The following GLOD4 variants were observed in gnomAD, a reference collection of about 807,000 sequenced individuals.
GLOD4 encodes the protein glyoxalase domain-containing protein 4.
GLOD4 carries 44 observed loss-of-function variants against 39.1 expected under a neutral mutation model. The ratio of observed to expected loss-of-function variants is 1.13; its 90% CI spans 0.88 to 1.45. The LOEUF (loss-of-function observed/expected upper bound fraction) is 1.45. Among genes scored for constraint, GLOD4 ranks in the 40% most tolerant of loss-of-function variants. The pLI is 0.00. For missense variants in GLOD4, 405 were observed against 366.4 expected, an observed-to-expected ratio of 1.11 and a Z score of -0.86; for synonymous variants, 145 against 135.0, an observed-to-expected ratio of 1.07 and a Z score of -0.52.
intron 8 of GLOD4, chr17:765,309 GT>G (rs1744486325): frequency 6.6e-6 from 1 of 150,906 alleles, no homozygotes; most frequent in African/African-American, 2.4e-5. Flanking sequence ...ACAACCACCT[GT>G]CTGAGCTGAG....
chr17:785,832 GT>G (rs1567799355), upstream of GLOD4, among the ~76,000 whole-genome samples: 1 of 152,176 alleles, frequency 6.6e-6, no homozygotes, highest in African/African-American at 2.4e-5. Flanking sequence ...GCTAATAATT[GT>G]TTTTTAAATA....
chr17:781,081 C>T (rs553198292), intron 1 of GLOD4, among the ~76,000 whole-genome samples: 48 of 151,906 alleles, frequency 3.2e-4, no homozygotes, highest in African/African-American at 1.2e-3. Context: ...CCACCATGCC[C>T]GGCTAATTTT....
intron 8 of GLOD4, among the ~76,000 whole-genome samples, chr17:768,338 A>G (rs1226861): frequency 4.8e-5 from 7 of 146,470 alleles, no homozygotes; most frequent in South Asian, 4.5e-4. Context: ...GACGTGAGAG[A>G]GAGAAACAGC....
At chr17:785,356 C>A (rs891651452), upstream of GLOD4, among the ~76,000 whole-genome samples, 10 of 151,936 alleles carry the variant, frequency 6.6e-5, no homozygotes, top group African/African-American at 2.2e-4. Flanking sequence ...CCCATAAATT[C>A]TTTCCATAAA....
intron 5 of GLOD4, 172 bp downstream of exon 5, chr17:771,153 A>G (rs11649996): frequency 0.026 from 12,644 of 488,814 alleles, 295 homozygotes; most frequent in East Asian, 0.071. Context: ...TCTGGGTGGT[A>G]AGGTTATCAC....
chr17:763,920 T>G (rs554183797), intron 8 of GLOD4: 56 of 152,244 alleles, frequency 3.7e-4, no homozygotes, highest in African/African-American at 1.3e-3. Context: ...AATTAATGGC[T>G]GGGAAAAATA....
chr17:779,497 G>C (rs1909510692), intron 1 of GLOD4, among the ~76,000 whole-genome samples: 1 of 151,838 alleles, frequency 6.6e-6, no homozygotes, highest in Admixed American at 6.6e-5. Flanking sequence ...AATTAGCCAG[G>C]CATGGTGGTG....
chr17:775,869 C>G lies in GLOD4; in HGVS notation c.312G>C (p.Glu104Asp), dbSNP rs774506220. 6.2e-7 allele frequency: 1 copy of G among 1,613,448 alleles called. No homozygotes were observed. Among genetic ancestry groups the G allele is most frequent in the South Asian group, 1.1e-5 (1 of 91,068 alleles). The change falls in exon 4 of 9, where the codon GAG (glutamate) becomes GAC (aspartate). Residue 104 changes from glutamate (E) to aspartate (D), a missense_variant. Physicochemically the swap from Glu to Asp is conservative, Grantham distance 45. Transcript: ENST00000301329. ...CTTCTGCAACTTCCGTCAGTGGCCA[C>G]TCCAGCTTCCTGGCGTTGCTGACAG... ...SQAVSNARKLEWPLTEVAEGV... is the reference protein window; with the variant it reads ...SQAVSNARKLDWPLTEVAEGV...
At chr17:772,836 A>G (rs1388692860) in intron 4 of GLOD4, among the ~76,000 whole-genome samples, 3 of 152,176 alleles carry the variant, frequency 2.0e-5, no homozygotes, top group African/African-American at 7.2e-5. Context: ...TCTACTAAAA[A>G]TACAAAAAAT....
chr17:783,915 C>T (rs563758604), upstream of GLOD4, among the ~76,000 whole-genome samples: 3 of 152,200 alleles, frequency 2.0e-5, no homozygotes, highest in South Asian at 2.1e-4. Flanking sequence ...ATTAAGAAAG[C>T]GTTTACTGAA....
chr17:782,735 C>T (rs764279864), upstream of GLOD4: 17 of 1,550,328 alleles, frequency 1.1e-5, no homozygotes, highest in African/African-American at 8.2e-5. Context: ...CGTTTCCCTT[C>T]CCGTCGCACA....
At chr17:776,422 C>A (rs1333377555) in intron 3 of GLOD4, among the ~76,000 whole-genome samples, 1 of 152,224 alleles carries the variant, frequency 6.6e-6, no homozygotes, top group East Asian at 1.9e-4. Context: ...AAATCCATTA[C>A]CCACTCTGCA....
upstream of GLOD4, chr17:782,287 C>G (rs376407647): frequency 1.2e-5 from 20 of 1,612,024 alleles, no homozygotes; most frequent in East Asian, 2.2e-5. Context: ...TCACGCGCAC[C>G]GTACAGCCCA....
At chr17:777,991 TGA>T (rs1191470086) in intron 2 of GLOD4, among the ~76,000 whole-genome samples, 2 of 152,094 alleles carry the variant, frequency 1.3e-5, no homozygotes, top group East Asian at 3.9e-4. Context: ...GCTTGAACAA[TGA>T]GACTCATGAG....
intron 8 of GLOD4, chr17:764,385 T>C (rs1906076586): frequency 6.6e-6 from 1 of 152,152 alleles, no homozygotes; most frequent in South Asian, 2.1e-4. Flanking sequence ...GCAAAATAAG[T>C]GTTGGTGAGA....
intron 8 of GLOD4, chr17:764,267 G>A: frequency 6.6e-6 from 1 of 152,196 alleles, no homozygotes; most frequent in South Asian, 2.1e-4. Flanking sequence ...CATCAGCTGG[G>A]CATAGTGCTG....
intron 4 of GLOD4, among the ~76,000 whole-genome samples, chr17:772,004 ACT>A (rs1908026860): frequency 7.4e-6 from 1 of 135,176 alleles, no homozygotes; most frequent in Non-Finnish European, 1.6e-5. Context: ...CAAGAGCAAA[ACT>A]CTGTCTCAAA....
At position 782,159 on chromosome 17, in the gene GLOD4, C is replaced by G. The variant is rs1404512542; in HGVS notation, c.90+7G>C. The G allele has an allele frequency of 1.3e-6, 2 of 1,593,004 alleles. No homozygotes were observed. The highest frequency in any genetic ancestry group is 1.7e-6 in the Non-Finnish European group (2 of 1,166,358). On this transcript the variant is annotated splice_region_variant and intron_variant, in intron 1 of 8. Coordinates refer to ENST00000301329, the MANE Select transcript of GLOD4 (RefSeq NM_016080.4). The stretch of plus-strand genomic sequence containing the variant: ...GCGCGCCAGCCCCTGTCGGCCCCGG[C>G]CTGCACCTTCATCCCCAGGACGTCC...
In GLOD4 at chr17:768,583, TAGA is replaced by T. The variant is rs774494852; in HGVS notation, c.831+1283_831+1285del. On this transcript the variant is annotated intron_variant, in intron 8 of 8. Transcript: ENST00000301329. The stretch of plus-strand genomic sequence containing the variant: ...GAGAAACAGCGCGCACTCAGATTTT[TAGA>T]AGAAGAAGTCTGGAGAGGACGTGAG... 5.5e-4 allele frequency among the ~76,000 whole-genome samples: 71 copies of T among 129,630 alleles called. 1 individual carries two copies. Among genetic ancestry groups the T allele is most frequent in the African/African-American group, 1.1e-3 (35 of 32,580 alleles). 85.0% of individuals were successfully genotyped at this position (129,630 alleles called of 152,430 possible). A position where few individuals can be genotyped will look rare whatever the true frequency, so the allele number is the denominator to read the frequency against.
Sources: allele counts gnomAD v4.1 joint callset (sites outside exome capture counted in the v4.1 genomes callset), GRCh38; gene constraint gnomAD v4.1.1; transcripts MANE v1.5; gene names NCBI Gene and HGNC (gene_info 2026-07-23, HGNC 2026-07-21).